The following FDXR variants were observed in gnomAD, a reference collection of about 807,000 sequenced individuals.
FDXR encodes the protein ferredoxin reductase.
A neutral mutation model predicts 58.3 loss-of-function variants in FDXR; 38 were observed. That is an observed-to-expected ratio of 0.65 (90% CI 0.50 to 0.85). FDXR has a LOEUF of 0.85. Ranked by LOEUF, FDXR falls within the 40% of genes least tolerant of loss-of-function variation. FDXR has a pLI of 0.00. For synonymous variants in FDXR, 275 were observed against 273.8 expected (o/e 1.00, Z -0.04); for missense variants, 624 against 671.0 (o/e 0.93, Z 0.77).
intron 2 of FDXR, among the ~76,000 whole-genome samples, chr17:74,869,002 C>T (rs1354807536): frequency 6.6e-6 from 1 of 152,164 alleles, no homozygotes; most frequent in African/African-American, 2.4e-5. Context: ...CGACCCCATC[C>T]ACTCAGAGCC....
rs1317321686 is a variant in FDXR at position 74,864,811 on chromosome 17, C to A, written c.717+13G>T. 1 of 1,613,888 alleles carries A rather than the reference C, an allele frequency of 6.2e-7. No individual in the cohort carries two copies. Among genetic ancestry groups the A allele is most frequent in the African/African-American group, 1.3e-5 (1 of 75,048 alleles). ...ACCTGGAACCCTGGCTCCTCCCACT[C>A]TGGCCCCAGCACCTTAATGGTGAAG... is the stretch of plus-strand genomic sequence containing the variant. On this transcript the variant is annotated intron_variant, in intron 7 of 11. Coordinates refer to ENST00000293195, the MANE Select transcript of FDXR (RefSeq NM_024417.5).
Position 74,862,860 on chromosome 17 carries a change from T to A in FDXR, c.1433A>T (p.Lys478Met). The A allele has an allele frequency of 1.2e-6, 2 of 1,613,072 alleles. No individual in the cohort carries two copies. Among genetic ancestry groups the A allele is most frequent in the Non-Finnish European group, 1.7e-6 (2 of 1,179,972 alleles). ...CAGCATCTCCTGAGGATCCACCAGCTTCTCCCTGGGCTTCCCCGTGCCCTG... is the reference window on the plus strand; with the variant it reads ...CAGCATCTCCTGAGGATCCACCAGCATCTCCCTGGGCTTCCCCGTGCCCTG... ...RGQGTGKPRE[K>M]LVDPQEMLRL... The change falls in exon 12 of 12, where the codon AAG becomes ATG. Residue 478 changes from lysine (K) to methionine (M), a missense_variant. By Grantham distance (95) the Lys-to-Met change is moderately conservative. Coordinates refer to ENST00000293195, the MANE Select transcript of FDXR (RefSeq NM_024417.5).
chr17:74,870,861 G>A (rs1238406333), intron 2 of FDXR, among the ~76,000 whole-genome samples: 1 of 138,156 alleles, frequency 7.2e-6, no homozygotes, highest in Non-Finnish European at 1.5e-5. Context: ...GGAGTACAGT[G>A]ATTTGATCTT....
chr17:74,863,639 A>C (rs1010471905), intron 10 of FDXR, among the ~76,000 whole-genome samples: 1 of 152,234 alleles, frequency 6.6e-6, no homozygotes, highest in Non-Finnish European at 1.5e-5. Context: ...AGCACTAAGC[A>C]CAGGGCCTAA....
intron 11 of FDXR, 38 bp from the exon 12 acceptor site, chr17:74,862,985 A>C: frequency 6.2e-7 from 1 of 1,605,292 alleles, no homozygotes; most frequent in Non-Finnish European, 8.5e-7. Context: ...CTCCTCCTTC[A>C]CCCCTCCCAG....
Position 74,864,350 on chromosome 17 carries a change from G to A in FDXR, c.803-3C>T, listed in dbSNP as rs1384551701. On this transcript the variant is annotated splice_polypyrimidine_tract_variant and splice_region_variant and intron_variant, in intron 8 of 11. Transcript: ENST00000293195. ...CCGCTTCCTCGGGCGGGGGACCTCT[G>A]TCAGCAACGTAGAATGTCTCCAGGC... The A allele has an allele frequency of 1.3e-6, 2 of 1,575,766 alleles. No individual in the cohort carries two copies. The highest frequency in any genetic ancestry group is 8.6e-7 in the Non-Finnish European group (1 of 1,158,878).
At position 74,864,172 on chromosome 17, in the gene FDXR, G is replaced by A. The variant is rs575768148; in HGVS notation, c.978C>T (p.Val326=). The A allele has an allele frequency of 2.7e-5, 44 of 1,612,744 alleles. No individual in the cohort carries two copies. In the Middle Eastern group the frequency reaches 4.9e-4, roughly 18 times the overall value. The change falls in exon 9 of 12, where the codon GTC becomes GTT. Residue 326 remains valine (V), a synonymous_variant. Transcript: ENST00000293195. ...CCTCCAGTCTAGTGACTGCTAGGCG[G>A]ACACCTGCTGCCCGCCGCCCATCTG... ...PSPDGRRAAG[V]RLAVTRLEGV... is the part of the protein sequence containing the mutation.
intron 2 of FDXR, among the ~76,000 whole-genome samples, chr17:74,870,415 G>A (rs2038333313): frequency 6.6e-6 from 1 of 150,620 alleles, no homozygotes; most frequent in African/African-American, 2.4e-5. Context: ...TACTCAGGAG[G>A]CTGAGGCAGG....
chr17:74,864,793 ACC>A, intron 7 of FDXR, 29 bp downstream of exon 7: 2 of 1,613,460 alleles, frequency 1.2e-6, no homozygotes, highest in Non-Finnish European at 1.7e-6. Context: ...TCCACCTGGA[ACC>A]CTGGCTCCTC....
Position 74,862,698 on chromosome 17 carries a change from G to A in FDXR, c.*119C>T. 7.4e-7 allele frequency: 1 copy of A among 1,347,146 alleles called. No homozygotes were observed. Among genetic ancestry groups the A allele is most frequent in the Admixed American group, 2.4e-5 (1 of 41,598 alleles). 83.4% of individuals were successfully genotyped at this position (1,347,146 alleles called of 1,614,324 possible). ...GGAGAGACGCTGGAAGAGCAGCCAA[G>A]CCTCCAAGCCAGGGCCGGCCGGGAT... On this transcript the variant is annotated 3_prime_UTR_variant, in exon 12 of 12. Transcript: ENST00000293195.
chr17:74,868,779 C>T, intron 2 of FDXR: 3 of 1,470,522 alleles, frequency 2.0e-6, no homozygotes, highest in Non-Finnish European at 1.8e-6. Flanking sequence ...GGCCCCCCTC[C>T]CTCCTCCCTG....
chr17:74,866,967 G>A (rs1294417004), intron 2 of FDXR, 91 bp from the exon 3 acceptor site: 1 of 1,551,218 alleles, frequency 6.4e-7, no homozygotes, highest in Non-Finnish European at 8.7e-7. Context: ...GAGCAGGAGA[G>A]TTCAGGACCC....
intron 6 of FDXR, 46 bp downstream of exon 6, chr17:74,865,672 CA>C (rs2038149934): frequency 1.5e-6 from 2 of 1,354,084 alleles, no homozygotes; most frequent in East Asian, 4.7e-5. Context: ...ACTCTCTCCT[CA>C]GGGTGACCCC....
rs764524114 is a variant in FDXR, at chr17:74,864,939, A to C, written c.610-8T>G. 3 of 1,614,134 alleles carry C rather than the reference A, an allele frequency of 1.9e-6. No individual in the cohort carries two copies. The highest frequency in any genetic ancestry group is 2.5e-6 in the Non-Finnish European group (3 of 1,179,990). Reference sequence around the variant, plus strand: ...CTTCGTGATGTCCGTTCTCTGGCACAAAAGGAGGGCCTTGGAGTCATCAGA... The same window carrying C: ...CTTCGTGATGTCCGTTCTCTGGCACCAAAGGAGGGCCTTGGAGTCATCAGA... On this transcript the variant is annotated splice_polypyrimidine_tract_variant and splice_region_variant and intron_variant, in intron 6 of 11. Coordinates refer to ENST00000293195, the MANE Select transcript of FDXR (RefSeq NM_024417.5).
chr17:74,864,995 G>T (rs748044388), intron 6 of FDXR, 64 bp from the exon 7 acceptor site: 2 of 1,610,482 alleles, frequency 1.2e-6, no homozygotes, highest in Non-Finnish European at 1.7e-6. Context: ...CTCTCCATTT[G>T]GTCATGTCCC....
chr17:74,863,900 C>T lies in FDXR; in HGVS notation c.1170G>A (p.Val390=), dbSNP rs1175600494. 6.2e-7 allele frequency: 1 copy of T among 1,611,182 alleles called. No individual in the cohort carries two copies. Among genetic ancestry groups the T allele is most frequent in the African/African-American group, 1.3e-5 (1 of 75,034 alleles). Residue 390 remains valine (V), a synonymous_variant, in exon 10 of 12, where the codon GTG becomes GTA. Coordinates refer to ENST00000293195, the MANE Select transcript of FDXR (RefSeq NM_024417.5). The part of the protein sequence containing the change: ...IPNVEGRVMD[V]PGLYCSGWVK... ...AGCCTCCTCACACCCTCTCACCTGG[C>T]ACATCCATAACCCGGCCCTCCACAT...
rs767404506 is a variant in FDXR, at chr17:74,866,528, C to T, written c.311G>A (p.Arg104His). 4.3e-6 allele frequency: 7 copies of T among 1,613,754 alleles called. 1 individual carries two copies. The Middle Eastern group carries it at 4.9e-4, about 114-fold the overall frequency. Residue 104 changes from arginine (R) to histidine (H), a missense_variant, in exon 4 of 12, where the codon CGC becomes CAC. Physicochemically the swap from Arg to His is conservative, Grantham distance 29. Coordinates refer to ENST00000293195, the MANE Select transcript of FDXR (RefSeq NM_024417.5). ...NTFTQTAHSGRCAFWGNVEVG... is the reference protein window; with the variant it reads ...NTFTQTAHSGHCAFWGNVEVG... ...CTCCACGTTGCCCCAGAAGGCACAGCGGCCAGAATGGGCCGTCTGGGTAAA... is the reference window on the plus strand; with the variant it reads ...CTCCACGTTGCCCCAGAAGGCACAGTGGCCAGAATGGGCCGTCTGGGTAAA...
chr17:74,872,604 C>G lies in FDXR; in HGVS notation c.79+262G>C, dbSNP rs2038410850. On this transcript the variant is annotated intron_variant, in intron 1 of 11. Coordinates refer to ENST00000293195, the MANE Select transcript of FDXR (RefSeq NM_024417.5). ...TCGCCCCACAGACCTCCGTATCATCCTCCATTCACCCCGTCTCACACCTGT... is the reference window on the plus strand; with the variant it reads ...TCGCCCCACAGACCTCCGTATCATCGTCCATTCACCCCGTCTCACACCTGT... The G allele has an allele frequency of 1.1e-5, 8 of 739,882 alleles. No individual in the cohort carries two copies. In the East Asian group the frequency reaches 1.1e-4, roughly 10 times the overall value. 45.8% of individuals were successfully genotyped at this position (739,882 alleles called of 1,614,324 possible).
At position 74,863,188 on chromosome 17, in the gene FDXR, C is replaced by T. The variant is rs1479952555; in HGVS notation, c.1233G>A (p.Met411Ile). Reference sequence around the variant, plus strand: ...TCTGGCCGGTGAGGAAGCTGTCAGTCATGGTTGTGGCTATGACACCTGTAG... The same window carrying T: ...TCTGGCCGGTGAGGAAGCTGTCAGTTATGGTTGTGGCTATGACACCTGTAG... ...RGPTGVIATT[M>I]TDSFLTGQML... is the part of the protein sequence containing the mutation. Residue 411 changes from methionine (M) to isoleucine (I), a missense_variant, in exon 11 of 12, where the codon ATG becomes ATA. Coordinates refer to ENST00000293195, the MANE Select transcript of FDXR (RefSeq NM_024417.5). 4 of 1,613,740 alleles carry T rather than the reference C, an allele frequency of 2.5e-6. No individual in the cohort carries two copies. In the South Asian group the frequency reaches 3.3e-5, roughly 13 times the overall value.
Sources: allele counts gnomAD v4.1 joint callset (sites outside exome capture counted in the v4.1 genomes callset), GRCh38; gene constraint gnomAD v4.1.1; transcripts MANE v1.5; gene names NCBI Gene and HGNC (gene_info 2026-07-23, HGNC 2026-07-21).